PRKCA: variants seen among roughly 807,000 people sequenced by gnomAD.
The protein encoded by PRKCA is protein kinase C alpha type.
In PRKCA, 27 loss-of-function variants were observed where a neutral mutation model predicts 87.0. The observed-to-expected ratio is 0.31, with a 90% CI of 0.23 to 0.43. PRKCA has a LOEUF of 0.43. Ranked by LOEUF, PRKCA falls within the 20% of genes least tolerant of loss-of-function variation. The probability of loss-of-function intolerance (pLI) is 1.00; values close to 1 mark genes in which losing one functional copy is unlikely to be tolerated. For synonymous variants in PRKCA, 329 were observed against 311.1 expected (o/e 1.06, Z -0.61); for missense variants, 518 against 852.3 (o/e 0.61, Z 4.88).
intron 2 of PRKCA, among the ~76,000 whole-genome samples, chr17:66,320,314 A>G (rs1225997026): frequency 6.6e-6 from 1 of 150,692 alleles, no homozygotes; most frequent in Non-Finnish European, 1.5e-5. Flanking sequence ...TTGTACTTGT[A>G]CTCTGTAGTC....
rs547963785 is a variant in PRKCA, at chr17:66,531,932, C to T, written c.288+35649C>T. Among the ~76,000 whole-genome samples, 7 of 152,218 alleles carry T rather than the reference C, an allele frequency of 4.6e-5. No homozygotes were observed. The East Asian group carries it at 1.4e-3, about 29-fold the overall frequency. ...TTTCCAGGGGTGGAATTTGATTTTC[C>T]CAGAGAGGAGCTGTGTTCGGCTTCT... On this transcript the variant is annotated intron_variant, in intron 3 of 16. Coordinates refer to ENST00000413366, the MANE Select transcript of PRKCA (RefSeq NM_002737.3).
At chr17:66,342,756 T>C (rs1038767808) in intron 2 of PRKCA, among the ~76,000 whole-genome samples, 2 of 152,200 alleles carry the variant, frequency 1.3e-5, no homozygotes, top group African/African-American at 4.8e-5. Context: ...AAAAAATTGC[T>C]TCAGCTTTTT....
rs1196245554 is a variant in PRKCA at position 66,645,421 on chromosome 17, G to A, written c.439G>A (p.Val147Ile). 1 of 1,614,098 alleles carries A rather than the reference G, an allele frequency of 6.2e-7. No homozygotes were observed. Among genetic ancestry groups the A allele is most frequent in the Non-Finnish European group, 8.5e-7 (1 of 1,180,052 alleles). The change falls in exon 5 of 17, where the codon GTC becomes ATC. Residue 147 changes from valine (V) to isoleucine (I), a missense_variant. Physicochemically the swap from Val to Ile is conservative, Grantham distance 29. Transcript: ENST00000413366. The part of the protein sequence containing the change: ...MNVHKQCVIN[V>I]PSLCGMDHTE... ...CGTTCACAAGCAATGCGTCATCAAT[G>A]TCCCCAGCCTCTGCGGAATGGATCA...
chr17:66,714,162 C>T (rs565204775), intron 8 of PRKCA, among the ~76,000 whole-genome samples: 88 of 152,224 alleles, frequency 5.8e-4, no homozygotes, highest in Non-Finnish European at 1.0e-3. Flanking sequence ...ACACACCTTT[C>T]CTCTCCGGTG....
At chr17:66,473,221 C>T (rs1029421068) in intron 2 of PRKCA, among the ~76,000 whole-genome samples, 1 of 152,196 alleles carries the variant, frequency 6.6e-6, no homozygotes, top group African/African-American at 2.4e-5. Flanking sequence ...AGCTCTGGTG[C>T]TTGTACCTGC....
At chr17:66,468,555 C>A (rs1271338315) in intron 2 of PRKCA, among the ~76,000 whole-genome samples, 1 of 152,170 alleles carries the variant, frequency 6.6e-6, no homozygotes, top group African/African-American at 2.4e-5. Flanking sequence ...CTGTTTTTGC[C>A]TCTTGTTCCC....
intron 2 of PRKCA, among the ~76,000 whole-genome samples, chr17:66,462,535 G>A (rs1467326131): frequency 6.6e-6 from 1 of 152,036 alleles, no homozygotes; most frequent in Non-Finnish European, 1.5e-5. Context: ...TTCTGTGAAC[G>A]TTTTCATTGT....
chr17:66,766,173 T>C (rs1473323147), intron 13 of PRKCA, among the ~76,000 whole-genome samples: 2 of 152,190 alleles, frequency 1.3e-5, no homozygotes, highest in Non-Finnish European at 2.9e-5. Context: ...ATTCTGCTTT[T>C]GGTAAGCCTT....
chr17:66,693,868 C>A (rs1472621120), intron 8 of PRKCA, among the ~76,000 whole-genome samples: 3 of 152,118 alleles, frequency 2.0e-5, no homozygotes, highest in Admixed American at 6.5e-5. Context: ...GGTGGCAGAC[C>A]AGAATTGGCC....
chr17:66,456,446 T>C (rs1914578259), intron 2 of PRKCA, among the ~76,000 whole-genome samples: 1 of 152,166 alleles, frequency 6.6e-6, no homozygotes, highest in Non-Finnish European at 1.5e-5. Context: ...CATCCAAGGC[T>C]CTATAAGAGG....
intron 2 of PRKCA, among the ~76,000 whole-genome samples, chr17:66,397,802 C>T (rs1197289720): frequency 6.6e-6 from 1 of 152,128 alleles, no homozygotes; most frequent in Non-Finnish European, 1.5e-5. Flanking sequence ...ATTCAGGATA[C>T]AGTGCTGATG....
intron 3 of PRKCA, among the ~76,000 whole-genome samples, chr17:66,513,947 A>C (rs138063933): frequency 1.3e-5 from 2 of 152,278 alleles, no homozygotes; most frequent in East Asian, 3.9e-4. Flanking sequence ...GAACAATACA[A>C]TTTTCAACAG....
At chr17:66,345,040 A>C (rs983186307) in intron 2 of PRKCA, among the ~76,000 whole-genome samples, 1 of 152,162 alleles carries the variant, frequency 6.6e-6, no homozygotes, top group Non-Finnish European at 1.5e-5. Context: ...ATATGCTCAG[A>C]ATCAAGGATT....
Position 66,537,279 on chromosome 17 carries a change from G to T in PRKCA, c.288+40996G>T, listed in dbSNP as rs1220765312. 5.3e-5 allele frequency among the ~76,000 whole-genome samples: 8 copies of T among 152,052 alleles called. No homozygotes were observed. In the East Asian group the frequency reaches 1.3e-3, roughly 26 times the overall value. ...CATAATTTATGGTGAGAATTATTTG[G>T]GGCCACAGATGTCAAGTGGAAGCTT... On this transcript the variant is annotated intron_variant, in intron 3 of 16. Coordinates refer to ENST00000413366, the MANE Select transcript of PRKCA (RefSeq NM_002737.3).
intron 8 of PRKCA, among the ~76,000 whole-genome samples, chr17:66,725,351 G>C (rs749746209): frequency 6.6e-6 from 1 of 152,194 alleles, no homozygotes; most frequent in Non-Finnish European, 1.5e-5. Flanking sequence ...AGTTCTGTCA[G>C]TCTTAGTGCT....
At chr17:66,789,065 G>A in intron 16 of PRKCA, 86 bp downstream of exon 16, 1 of 1,392,978 alleles carries the variant, frequency 7.2e-7, no homozygotes, top group Non-Finnish European at 9.4e-7. Flanking sequence ...TTGGAGAGAG[G>A]AGGCCGGTGC....
chr17:66,346,308 AG>A (rs1907361985), intron 2 of PRKCA, among the ~76,000 whole-genome samples: 1 of 151,830 alleles, frequency 6.6e-6, no homozygotes, highest in African/African-American at 2.4e-5. Context: ...CGTGTTAGCT[AG>A]GATGGTCTCG....
chr17:66,801,397 G>GTCT (rs1975894664), intron 16 of PRKCA, among the ~76,000 whole-genome samples: 1 of 152,148 alleles, frequency 6.6e-6, no homozygotes, highest in Non-Finnish European at 1.5e-5. Context: ...GTTCCCTGGG[G>GTCT]GAAGAATCAT....
At chr17:66,775,060 C>T (rs959438361) in intron 14 of PRKCA, 26 of 985,320 alleles carry the variant, frequency 2.6e-5, no homozygotes, top group Non-Finnish European at 2.9e-5. Context: ...TTATGACTGT[C>T]CTCATGCTCT....
Sources: gnomAD v4.1 joint callset for allele counts (sites outside exome capture counted in the v4.1 genomes callset) on GRCh38, gnomAD v4.1.1 for gene constraint, MANE v1.5 for transcripts, NCBI Gene and HGNC (gene_info 2026-07-23, HGNC 2026-07-21) for gene names.